Variants in PALM2AKAP2 observed in about 807,000 individuals in gnomAD.
The protein encoded by PALM2AKAP2 is PALM2 and AKAP2 fusion.
In PALM2AKAP2, 37 loss-of-function variants were observed where a neutral mutation model predicts 71.5. The observed-to-expected ratio is 0.52, with a 90% CI of 0.40 to 0.68. The LOEUF (loss-of-function observed/expected upper bound fraction) is 0.68, where lower values mean the gene tolerates loss of function less well. PALM2AKAP2 is among the 30% of genes least tolerant of loss of function. PALM2AKAP2 has a pLI of 0.00. For synonymous variants in PALM2AKAP2, 468 were observed against 478.8 expected (o/e 0.98, Z 0.29); for missense variants, 1,224 against 1,191.8 (o/e 1.03, Z -0.40).
intron 1 of PALM2AKAP2, among the ~76,000 whole-genome samples, chr9:109,658,218 A>G (rs1827336488): frequency 1.3e-5 from 2 of 152,110 alleles, no homozygotes; most frequent in Admixed American, 1.3e-4. Context: ...CAGGAGTTCA[A>G]CTGGGGAATC....
At chr9:109,732,114 C>A (rs1828564919) in intron 1 of PALM2AKAP2, among the ~76,000 whole-genome samples, 1 of 152,200 alleles carries the variant, frequency 6.6e-6, no homozygotes, top group Non-Finnish European at 1.5e-5. Flanking sequence ...ATTCAAATTA[C>A]CTGCGTCATT....
intron 1 of PALM2AKAP2, among the ~76,000 whole-genome samples, chr9:110,109,973 G>A (rs750270251): frequency 3.3e-5 from 5 of 152,082 alleles, no homozygotes; most frequent in Non-Finnish European, 5.9e-5. Flanking sequence ...TTGGTCAATG[G>A]ATATAAAATT....
intron 1 of PALM2AKAP2, among the ~76,000 whole-genome samples, chr9:109,821,848 C>G (rs1482591482): frequency 1.3e-5 from 2 of 152,158 alleles, no homozygotes; most frequent in African/African-American, 2.4e-5. Context: ...AACTGATCTT[C>G]TTGTGTCAAA....
chr9:109,835,323 G>C (rs943179164), intron 1 of PALM2AKAP2, among the ~76,000 whole-genome samples: 12 of 146,872 alleles, frequency 8.2e-5, no homozygotes, highest in Non-Finnish European at 1.8e-4. Context: ...TGGAGAGATG[G>C]AGAGGAGGGT....
At chr9:109,991,506 A>G (rs1253140926) in intron 6 of PALM2AKAP2, among the ~76,000 whole-genome samples, 1 of 152,036 alleles carries the variant, frequency 6.6e-6, no homozygotes, top group Non-Finnish European at 1.5e-5. Flanking sequence ...CCCAAGGTGT[A>G]AGGATTACAG....
intron 6 of PALM2AKAP2, among the ~76,000 whole-genome samples, chr9:109,991,666 C>T (rs1769006802): frequency 6.6e-6 from 1 of 152,202 alleles, no homozygotes; most frequent in South Asian, 2.1e-4. Context: ...TGGTATACAT[C>T]TCAAAGAAGA....
chr9:109,731,932 C>A (rs902981057), intron 1 of PALM2AKAP2, among the ~76,000 whole-genome samples: 6 of 152,096 alleles, frequency 3.9e-5, no homozygotes, highest in African/African-American at 1.4e-4. Flanking sequence ...CTGCTCCAGC[C>A]ACAGAGCTGG....
At chr9:109,711,382 G>C (rs1246778241) in intron 1 of PALM2AKAP2, among the ~76,000 whole-genome samples, 1 of 152,224 alleles carries the variant, frequency 6.6e-6, no homozygotes, top group Non-Finnish European at 1.5e-5. Flanking sequence ...ATGAATCATG[G>C]ATGAGAGAGT....
chr9:109,640,937 G>A, intron 1 of PALM2AKAP2: 2 of 1,460,276 alleles, frequency 1.4e-6, no homozygotes, highest in South Asian at 1.4e-5. Context: ...GCGGCGGCAG[G>A]CAGATCCCGC....
intron 1 of PALM2AKAP2, among the ~76,000 whole-genome samples, chr9:109,706,225 A>G (rs1828142083): frequency 1.3e-5 from 2 of 152,246 alleles, no homozygotes; most frequent in Non-Finnish European, 2.9e-5. Context: ...AATAAAAATG[A>G]TTTCATTTAA....
chr9:109,716,621 T>TGGGTGAAGGCTTTAGTCAGGGATA (rs1828324570), intron 1 of PALM2AKAP2, among the ~76,000 whole-genome samples: 1 of 152,180 alleles, frequency 6.6e-6, no homozygotes. Context: ...AACCAGGTCA[T>TGGGTGAAGGCTTTAGTCAGGGATA]GGGTGAAGGC....
chr9:109,966,102 T>C (rs1188779219), intron 6 of PALM2AKAP2, among the ~76,000 whole-genome samples: 1 of 152,190 alleles, frequency 6.6e-6, no homozygotes, highest in Admixed American at 6.5e-5. Flanking sequence ...AGTTGACCTG[T>C]TTAGGTGCCA....
At chr9:109,736,200 G>A (rs964428941) in intron 1 of PALM2AKAP2, among the ~76,000 whole-genome samples, 1 of 152,102 alleles carries the variant, frequency 6.6e-6, no homozygotes, top group Non-Finnish European at 1.5e-5. Flanking sequence ...AGGTCCCGGG[G>A]AACTAGTCTT....
At chr9:109,803,436 G>T (rs748082388) in intron 1 of PALM2AKAP2, among the ~76,000 whole-genome samples, 10 of 152,162 alleles carry the variant, frequency 6.6e-5, no homozygotes, top group Non-Finnish European at 1.5e-4. Context: ...GTCTCATGGA[G>T]CCTCATTTCT....
intron 1 of PALM2AKAP2, among the ~76,000 whole-genome samples, chr9:109,759,582 A>AAAC (rs562611462): frequency 2.0e-5 from 3 of 152,128 alleles, no homozygotes; most frequent in Non-Finnish European, 2.9e-5. Context: ...AGAAGCAAAC[A>AAAC]AACAACAACA....
chr9:109,855,381 A>G lies in PALM2AKAP2; in HGVS notation c.46-12110A>G, dbSNP rs79393541. Reference sequence around the variant, plus strand: ...AGCCACTGCTCCCAGCCTTAAAAGAATTTATCTTTAATGGCTGTGTTTTAT... The same window carrying G: ...AGCCACTGCTCCCAGCCTTAAAAGAGTTTATCTTTAATGGCTGTGTTTTAT... On this transcript the variant is annotated intron_variant, in intron 1 of 9. Coordinates refer to the PALM2AKAP2 transcript ENST00000302798. Among the ~76,000 whole-genome samples, 1,455 of 152,286 alleles carry G rather than the reference A, an allele frequency of 9.6e-3. 22 individuals are homozygous for G. Among genetic ancestry groups the G allele is most frequent in the African/African-American group, 0.033 (1,389 of 41,550 alleles).
At chr9:109,762,726 T>C (rs1010078415) in intron 1 of PALM2AKAP2, among the ~76,000 whole-genome samples, 1 of 152,238 alleles carries the variant, frequency 6.6e-6, no homozygotes. Flanking sequence ...AGAAGTCTCT[T>C]GCCTTGGAGC....
intron 3 of PALM2AKAP2, among the ~76,000 whole-genome samples, chr9:109,894,207 G>A (rs897135258): frequency 3.3e-5 from 5 of 151,974 alleles, no homozygotes; most frequent in East Asian, 3.9e-4. Context: ...GCATGGTGGC[G>A]GGCACCTATA....
intron 1 of PALM2AKAP2, among the ~76,000 whole-genome samples, chr9:109,816,261 A>T (rs914537029): frequency 2.6e-5 from 4 of 152,240 alleles, no homozygotes; most frequent in Non-Finnish European, 5.9e-5. Flanking sequence ...ACCTGGATGT[A>T]GCCAAAGGAC....
Sources: allele counts gnomAD v4.1 joint callset (sites outside exome capture counted in the v4.1 genomes callset), GRCh38; gene constraint gnomAD v4.1.1; transcripts MANE v1.5; gene names NCBI Gene and HGNC (gene_info 2026-07-23, HGNC 2026-07-21).